The following WDPCP variants were observed in gnomAD, a reference collection of about 807,000 sequenced individuals.
The protein encoded by WDPCP is WD repeat-containing and planar cell polarity effector protein fritz homolog.
Under a neutral mutation model 93.1 loss-of-function variants are expected in WDPCP, and 71 were observed. The observed-to-expected ratio is 0.76, with a 90% confidence interval of 0.63 to 0.93. The LOEUF is 0.93. Ranked by LOEUF, WDPCP falls within the 40% of genes least tolerant of loss-of-function variation. WDPCP has a pLI of 0.00. For synonymous variants in WDPCP, 315 were observed against 315.0 expected (o/e 1.00, Z 0.00); for missense variants, 844 against 887.4 (o/e 0.95, Z 0.62).
intron 1 of WDPCP, among the ~76,000 whole-genome samples, chr2:63,533,044 A>C (rs940210969): frequency 5.9e-5 from 9 of 152,172 alleles, no homozygotes; most frequent in Non-Finnish European, 1.2e-4. Context: ...AACAAAAAAA[A>C]GCAGGGGTTG....
Position 63,199,347 on chromosome 2 carries a change from G to C in WDPCP, c.1916-24515C>G, listed in dbSNP as rs117497915. 4.6e-5 allele frequency among the ~76,000 whole-genome samples: 7 copies of C among 152,316 alleles called. No individual in the cohort carries two copies. The East Asian group carries it at 1.4e-3, about 30-fold the overall frequency. The stretch of plus-strand genomic sequence containing the variant: ...AGGAAAATGCCTCCAAGGCATTTCA[G>C]AGACCCTTGCAGCAGCCCCTCCTAT... On this transcript the variant is annotated intron_variant, in intron 14 of 17. Coordinates refer to ENST00000272321, the MANE Select transcript of WDPCP (RefSeq NM_015910.7).
At chr2:63,279,064 A>T (rs1022120701) in intron 13 of WDPCP, among the ~76,000 whole-genome samples, 1 of 152,196 alleles carries the variant, frequency 6.6e-6, no homozygotes, top group African/African-American at 2.4e-5. Context: ...CATTCAAAGA[A>T]TTGGTACCAA....
intron 14 of WDPCP, among the ~76,000 whole-genome samples, chr2:63,253,049 A>G (rs76647846): frequency 0.055 from 8,408 of 152,264 alleles, 321 homozygotes; most frequent in Non-Finnish European, 0.083. Context: ...ACAACATAGT[A>G]GTAGTACAAA....
intron 13 of WDPCP, among the ~76,000 whole-genome samples, chr2:63,298,908 T>C (rs557310625): frequency 6.6e-6 from 1 of 152,218 alleles, no homozygotes; most frequent in Admixed American, 6.5e-5. Context: ...ATTTTCACTA[T>C]GTCCCAAAAG....
chr2:63,440,351 A>G (rs993210295), intron 6 of WDPCP: 2 of 152,528 alleles, frequency 1.3e-5, no homozygotes, highest in Non-Finnish European at 2.9e-5. Flanking sequence ...GTTAAACACT[A>G]TTTACTTCTA....
intron 2 of WDPCP, among the ~76,000 whole-genome samples, chr2:63,804,672 C>G (rs1240880564): frequency 6.6e-6 from 1 of 151,846 alleles, no homozygotes; most frequent in Non-Finnish European, 1.5e-5. Flanking sequence ...GACTCAAGAT[C>G]TCTCTTCCTA....
chr2:63,344,428 T>C (rs550728900), intron 12 of WDPCP, among the ~76,000 whole-genome samples: 59 of 152,310 alleles, frequency 3.9e-4, no homozygotes, highest in African/African-American at 1.3e-3. Context: ...TCTTTCTTAC[T>C]TGTGCAGACT....
chr2:63,642,964 T>G (rs1709998496), intron 3 of WDPCP: 1 of 152,542 alleles, frequency 6.6e-6, no homozygotes, highest in African/African-American at 2.4e-5. Context: ...GTCTGTTATA[T>G]ATGGCTTCTA....
At chr2:63,678,677 A>G (rs751639738) in intron 2 of WDPCP, among the ~76,000 whole-genome samples, 14 of 152,210 alleles carry the variant, frequency 9.2e-5, no homozygotes. Context: ...CTTGTGCAAG[A>G]GTTGGGACCT....
chr2:63,734,554 G>A (rs1480946128), intron 2 of WDPCP, among the ~76,000 whole-genome samples: 2 of 152,044 alleles, frequency 1.3e-5, no homozygotes, highest in Admixed American at 6.6e-5. Context: ...ACAATACCTC[G>A]AGTAAATCTT....
At chr2:63,617,785 T>A (rs1377763475) in intron 3 of WDPCP, among the ~76,000 whole-genome samples, 1 of 152,214 alleles carries the variant, frequency 6.6e-6, no homozygotes, top group African/African-American at 2.4e-5. Flanking sequence ...TTTTAGGCAG[T>A]TGAGATAAAG....
intron 14 of WDPCP, among the ~76,000 whole-genome samples, chr2:63,199,443 G>A (rs945179695): frequency 3.3e-5 from 5 of 152,200 alleles, no homozygotes; most frequent in African/African-American, 4.8e-5. Context: ...GCTCTGTGCC[G>A]CCTCCAGACA....
chr2:63,705,167 C>T (rs1669129360), intron 2 of WDPCP, among the ~76,000 whole-genome samples: 1 of 151,842 alleles, frequency 6.6e-6, no homozygotes, highest in African/African-American at 2.4e-5. Context: ...TTTTTTATTG[C>T]GTCTATTTGA....
chr2:63,171,542 T>C (rs2103981942), intron 15 of WDPCP, among the ~76,000 whole-genome samples: 1 of 152,312 alleles, frequency 6.6e-6, no homozygotes. Context: ...TAAATATTGG[T>C]GAGGATACTG....
rs768732627 is a variant in WDPCP at position 63,361,702 on chromosome 2, TTTG to T, written c.1748+16681_1748+16683del. ...AGCACTAGCCTGATTCTTTCATTTGTTTGTTGTTGTTGTTGTTTTCTTTATTTG... is the reference window on the plus strand; with the variant it reads ...AGCACTAGCCTGATTCTTTCATTTGTTTGTTGTTGTTGTTTTCTTTATTTG... On this transcript the variant is annotated intron_variant, in intron 12 of 17. Coordinates refer to ENST00000272321, the MANE Select transcript of WDPCP (RefSeq NM_015910.7). Among the ~76,000 whole-genome samples the T allele has an allele frequency of 9.2e-5, 14 of 152,250 alleles. No individual in the cohort carries two copies. In the East Asian group the frequency reaches 1.2e-3, roughly 13 times the overall value.
intron 12 of WDPCP, among the ~76,000 whole-genome samples, chr2:63,336,148 A>G (rs1483728504): frequency 1.3e-5 from 2 of 152,170 alleles, no homozygotes; most frequent in Non-Finnish European, 1.5e-5. Context: ...TTTTTTAAAT[A>G]AACTTGCTTT....
At chr2:63,623,867 A>T (rs991109849) in intron 3 of WDPCP, among the ~76,000 whole-genome samples, 1 of 152,170 alleles carries the variant, frequency 6.6e-6, no homozygotes, top group African/African-American at 2.4e-5. Flanking sequence ...CCTCCACCCA[A>T]AATCAACAGA....
At chr2:63,535,441 C>T (rs528740660) in intron 1 of WDPCP, among the ~76,000 whole-genome samples, 40 of 152,274 alleles carry the variant, frequency 2.6e-4, no homozygotes, top group African/African-American at 8.7e-4. Flanking sequence ...GGAGGCATCA[C>T]GCTACCTGAC....
intron 14 of WDPCP, among the ~76,000 whole-genome samples, chr2:63,254,149 A>G (rs1231162589): frequency 6.6e-6 from 1 of 152,200 alleles, no homozygotes; most frequent in Non-Finnish European, 1.5e-5. Flanking sequence ...CAAATACCAC[A>G]TATTCTCATA....
Sources: gnomAD v4.1 joint callset for allele counts (sites outside exome capture counted in the v4.1 genomes callset) on GRCh38, gnomAD v4.1.1 for gene constraint, MANE v1.5 for transcripts, NCBI Gene and HGNC (gene_info 2026-07-23, HGNC 2026-07-21) for gene names.